Variants in ZNF792 observed in about 807,000 individuals in gnomAD.
The protein encoded by ZNF792 is zinc finger protein 792.
ZNF792 carries 14 observed loss-of-function variants against 13.1 expected under a neutral mutation model. That is an observed-to-expected ratio of 1.07 (90% CI 0.71 to 1.67). The LOEUF is 1.67. Ranked by LOEUF, ZNF792 falls within the 40% of genes most tolerant of loss-of-function variation. The probability of loss-of-function intolerance (pLI) is 0.00; values close to 1 mark genes in which losing one functional copy is unlikely to be tolerated. For synonymous variants in ZNF792, 257 were observed against 292.0 expected (o/e 0.88, Z 1.22); for missense variants, 740 against 807.9 (o/e 0.92, Z 1.02).
chr19:34,963,653 C>T lies in ZNF792; in HGVS notation c.10G>A (p.Ala4Thr). Residue 4 changes from alanine to threonine, a missense_variant, in exon 1 of 4, where the codon GCG (alanine) becomes ACG (threonine). Coordinates refer to ENST00000404801, the MANE Select transcript of ZNF792 (RefSeq NM_175872.5). MAA[A>T]ALRDPAQGCV... ...ACCTGCGCGGGGTCCCGCAGCGCCG[C>T]CGCTGCCATCGGAGTCTGTGGTCAG... 1 of 1,602,742 alleles carries T rather than the reference C, an allele frequency of 6.2e-7. No homozygotes were observed.
intron 3 of ZNF792, among the ~76,000 whole-genome samples, 176 bp from the exon 4 acceptor site, chr19:34,959,747 A>G (rs979063536): frequency 6.6e-6 from 1 of 152,170 alleles, no homozygotes; most frequent in African/African-American, 2.4e-5. Context: ...CCAGGTCACA[A>G]AATACAGGAG....
In ZNF792 at chr19:34,956,893, A is replaced by T. The variant is rs2013439959; in HGVS notation, c.*1063T>A. ...CTCTGCCAGTAACATTAGTCATAGG[A>T]CAGAGGTCTGAGGTCCTGAGAATTT... On this transcript the variant is annotated 3_prime_UTR_variant, in exon 4 of 4. Transcript: ENST00000404801. The T allele has an allele frequency of 6.6e-6, 1 of 152,260 alleles. No homozygotes were observed. Among genetic ancestry groups the T allele is most frequent in the African/African-American group, 2.4e-5 (1 of 41,462 alleles). The allele number at this position is 152,260 out of a possible 1,614,324, so 9.4% of individuals were successfully genotyped here.
rs1380762819 is a variant in ZNF792, at chr19:34,960,318, T to TC, written c.199dup (p.Glu67GlyfsTer10). On this transcript the variant is annotated frameshift_variant, in exon 3 of 4. Transcript: ENST00000404801. LOFTEE classifies it high-confidence loss of function. The stretch of plus-strand genomic sequence containing the variant: ...AGGCACCCAGGGCTCTTTCCCCATC[T>TC]CCAACTGGGAAACGATGTGGGACCT... The TC allele has an allele frequency of 6.2e-7, 1 of 1,613,670 alleles. No individual in the cohort carries two copies. Among genetic ancestry groups the TC allele is most frequent in the Non-Finnish European group, 8.5e-7 (1 of 1,179,772 alleles).
chr19:34,963,898 G>A lies in ZNF792; in HGVS notation c.-236C>T. 2 of 525,518 alleles carry A rather than the reference G, an allele frequency of 3.8e-6. No individual in the cohort carries two copies. The highest frequency in any genetic ancestry group is 6.6e-6 in the Non-Finnish European group (2 of 302,326). 32.6% of individuals were successfully genotyped at this position (525,518 alleles called of 1,614,324 possible). A position where few individuals can be genotyped will look rare whatever the true frequency, so the allele number is the denominator to read the frequency against. On this transcript the variant is annotated 5_prime_UTR_variant, in exon 1 of 4. Coordinates refer to ENST00000404801, the MANE Select transcript of ZNF792 (RefSeq NM_175872.5). ...CTCCGCTGGGTACCCCCGTTGCAAG[G>A]GGTCACGGCTGGTGCAAAGGCGCGG...
Position 34,957,991 on chromosome 19 carries a change from C to T in ZNF792, c.1864G>A (p.Val622Ile). Residue 622 changes from valine (V) to isoleucine (I), a missense_variant, in exon 4 of 4, where the codon GTT becomes ATT. Val to Ile is a conservative substitution (Grantham distance 29). Transcript: ENST00000404801. The stretch of plus-strand genomic sequence containing the variant: ...TCCCCAGGGTGGGTACTTGGATGAA[C>T]AAGTTTCAACTTGTAGTTGACAGCG... ...QGAVNYKLKL[V>I]HPSTHPGEVP 1 of 1,612,024 alleles carries T rather than the reference C, an allele frequency of 6.2e-7. No individual in the cohort carries two copies. Among genetic ancestry groups the T allele is most frequent in the Non-Finnish European group, 8.5e-7 (1 of 1,178,790 alleles).
At position 34,957,104 on chromosome 19, in the gene ZNF792, A is replaced by G. The variant is rs1207431980; in HGVS notation, c.*852T>C. ...TCTTACAGTTAAGAGATACCTGCCT[A>G]ATGCTGAACTTCAGGGCATATGGCT... is the stretch of plus-strand genomic sequence containing the variant. On this transcript the variant is annotated 3_prime_UTR_variant, in exon 4 of 4. Coordinates refer to ENST00000404801, the MANE Select transcript of ZNF792 (RefSeq NM_175872.5). 6.6e-6 allele frequency: 1 copy of G among 152,210 alleles called. No individual in the cohort carries two copies. Among genetic ancestry groups the G allele is most frequent in the African/African-American group, 2.4e-5 (1 of 41,450 alleles). The allele number at this position is 152,210 out of a possible 1,614,324, so 9.4% of individuals were successfully genotyped here.
chr19:34,959,109 A>G lies in ZNF792; in HGVS notation c.746T>C (p.Ile249Thr), dbSNP rs745552453. Residue 249 changes from isoleucine (I) to threonine (T), a missense_variant, in exon 4 of 4, where the codon ATT (isoleucine) becomes ACT (threonine). Coordinates refer to ENST00000404801, the MANE Select transcript of ZNF792 (RefSeq NM_175872.5). Reference protein sequence around the residue: ...EATEGVVDFHIALRHNKCCES... With the variant: ...EATEGVVDFHTALRHNKCCES... ...ACAGCACTTGTTATGCCTTAGTGCA[A>G]TGTGAAAATCCACCACACCTTCGGT... The G allele has an allele frequency of 6.2e-7, 1 of 1,613,960 alleles. No individual in the cohort carries two copies. The highest frequency in any genetic ancestry group is 1.7e-5 in the Admixed American group (1 of 60,026).
rs1487983668 is a variant in ZNF792 at position 34,958,597 on chromosome 19, T to C, written c.1258A>G (p.Arg420Gly). ...CCACATTCGTTACACTTGTAAGGTC[T>C]TTCTCCAGTGTGAACTCTCCAATGT... ...IKHWRVHTGE[R>G]PYKCNECGKF... The change falls in exon 4 of 4, where the codon AGA (arginine) becomes GGA (glycine). Residue 420 changes from arginine (R) to glycine (G), a missense_variant. Coordinates refer to ENST00000404801, the MANE Select transcript of ZNF792 (RefSeq NM_175872.5). The C allele has an allele frequency of 6.2e-7, 1 of 1,609,384 alleles. No individual in the cohort carries two copies. The highest frequency in any genetic ancestry group is 1.3e-5 in the African/African-American group (1 of 74,768).
Position 34,963,841 on chromosome 19 carries a change from G to A in ZNF792, c.-179C>T. 1.4e-6 allele frequency: 1 copy of A among 699,160 alleles called. No individual in the cohort carries two copies. The highest frequency in any genetic ancestry group is 2.1e-5 in the South Asian group (1 of 47,054). The allele number at this position is 699,160 out of a possible 1,614,324, so 43.3% of individuals were successfully genotyped here. A position where few individuals can be genotyped will look rare whatever the true frequency, so the allele number is the denominator to read the frequency against. On this transcript the variant is annotated 5_prime_UTR_variant, in exon 1 of 4. Transcript: ENST00000404801. The stretch of plus-strand genomic sequence containing the variant: ...GTGCAAAATGCGCAAGGGGCCCGGG[G>A]CGCAGGCTCCGGGGGCGCCGAGAGC...
At chr19:34,960,554 A>G (rs2013512670) in intron 2 of ZNF792, 197 bp from the exon 3 acceptor site, 4 of 752,294 alleles carry the variant, frequency 5.3e-6, no homozygotes, top group South Asian at 1.8e-5. Flanking sequence ...CAGAATCTAA[A>G]CCACAGAACT....
At position 34,963,722 on chromosome 19, in the gene ZNF792, G is replaced by C; in HGVS notation, c.-60C>G. ...GGGAAACCACGGGGCGGGGGTAGGG[G>C]GTCTCGCAGGCTGAGGCTACCACCC... On this transcript the variant is annotated 5_prime_UTR_variant, in exon 1 of 4. Transcript: ENST00000404801. The C allele has an allele frequency of 2.0e-6, 3 of 1,501,898 alleles. No homozygotes were observed. In the East Asian group the frequency reaches 7.3e-5, roughly 37 times the overall value. 93.0% of individuals were successfully genotyped at this position (1,501,898 alleles called of 1,614,324 possible).
In ZNF792 at chr19:34,957,117, A is replaced by G. The variant is rs1483227450; in HGVS notation, c.*839T>C. ...AGATACCTGCCTAATGCTGAACTTC[A>G]GGGCATATGGCTCCTTGGCAGGTGC... On this transcript the variant is annotated 3_prime_UTR_variant, in exon 4 of 4. Coordinates refer to ENST00000404801, the MANE Select transcript of ZNF792 (RefSeq NM_175872.5). The G allele has an allele frequency of 6.6e-6, 1 of 152,218 alleles. No homozygotes were observed. The highest frequency in any genetic ancestry group is 1.5e-5 in the Non-Finnish European group (1 of 68,040). The allele number at this position is 152,218 out of a possible 1,614,324, so 9.4% of individuals were successfully genotyped here. A position where few individuals can be genotyped will look rare whatever the true frequency, so the allele number is the denominator to read the frequency against.
Position 34,958,673 on chromosome 19 carries a change from A to G in ZNF792, c.1182T>C (p.His394=), listed in dbSNP as rs1600242519. ...HKRVHTGRSA[H]ECSECGKSFN... is the part of the protein sequence containing the mutation. ...AAGATTTCCCACATTCACTGCACTC[A>G]TGGGCACTTCTGCCCGTATGAACCC... The change falls in exon 4 of 4, where the codon CAT becomes CAC. Residue 394 remains histidine, a synonymous_variant. Coordinates refer to ENST00000404801, the MANE Select transcript of ZNF792 (RefSeq NM_175872.5). 2 of 1,614,154 alleles carry G rather than the reference A, an allele frequency of 1.2e-6. No homozygotes were observed. Among genetic ancestry groups the G allele is most frequent in the Non-Finnish European group, 1.7e-6 (2 of 1,180,006 alleles).
In ZNF792 at chr19:34,960,550, C is replaced by T. The variant is rs542173641; in HGVS notation, c.161-193G>A. On this transcript the variant is annotated intron_variant, in intron 2 of 3. Coordinates refer to ENST00000404801, the MANE Select transcript of ZNF792 (RefSeq NM_175872.5). Reference sequence around the variant, plus strand: ...ATTAGCAAGAGGAAAGGCACAGAATCTAAACCACAGAACTGTCAGATCTGG... The same window carrying T: ...ATTAGCAAGAGGAAAGGCACAGAATTTAAACCACAGAACTGTCAGATCTGG... 58 of 769,576 alleles carry T rather than the reference C, an allele frequency of 7.5e-5. 2 individuals are homozygous for T. The South Asian group carries it at 1.0e-3, about 14-fold the overall frequency. The allele number at this position is 769,576 out of a possible 1,614,324, so 47.7% of individuals were successfully genotyped here. A position where few individuals can be genotyped will look rare whatever the true frequency, so the allele number is the denominator to read the frequency against.
At chr19:34,961,458 C>T (rs764861379) in intron 1 of ZNF792, among the ~76,000 whole-genome samples, 12 of 152,144 alleles carry the variant, frequency 7.9e-5, no homozygotes, top group Non-Finnish European at 1.5e-4. Context: ...TGGGCTCCCA[C>T]GAGTCACTCT....
Position 34,959,538 on chromosome 19 carries a change from G to C in ZNF792, c.317C>G (p.Pro106Arg). The change falls in exon 4 of 4, where the codon CCT (proline) becomes CGT (arginine). Residue 106 changes from proline to arginine, a missense_variant. Physicochemically the swap from Pro to Arg is moderately radical, Grantham distance 103 (BLOSUM62 -2). Transcript: ENST00000404801. ...TTCTACAGAAACGTTATGCTCAGAA[G>C]GTAAGTCCTTGCCCTCTGTTCCATG... ...FCHGTEGKDL[P>R]SEHNVSVEGV... 1 of 1,558,640 alleles carries C rather than the reference G, an allele frequency of 6.4e-7. No individual in the cohort carries two copies. Among genetic ancestry groups the C allele is most frequent in the Non-Finnish European group, 8.7e-7 (1 of 1,151,768 alleles).
In ZNF792 at chr19:34,964,166, C is replaced by G. The variant is rs2013574047; in HGVS notation, c.-504G>C. 1 of 154,802 alleles carries G rather than the reference C, an allele frequency of 6.5e-6. No homozygotes were observed. The highest frequency in any genetic ancestry group is 1.4e-5 in the Non-Finnish European group (1 of 69,858). The allele number at this position is 154,802 out of a possible 1,614,324, so 9.6% of individuals were successfully genotyped here. A position where few individuals can be genotyped will look rare whatever the true frequency, so the allele number is the denominator to read the frequency against. On this transcript the variant is annotated 5_prime_UTR_variant, in exon 1 of 4. Transcript: ENST00000404801. Reference sequence around the variant, plus strand: ...CTGGCGCCAGCCGCTGGTGCACAGGCAGGGCCTGGGGATCGCGAGTTTCTG... The same window carrying G: ...CTGGCGCCAGCCGCTGGTGCACAGGGAGGGCCTGGGGATCGCGAGTTTCTG...
chr19:34,963,039 G>A (rs2013550859), intron 1 of ZNF792, among the ~76,000 whole-genome samples: 1 of 152,098 alleles, frequency 6.6e-6, no homozygotes, highest in African/African-American at 2.4e-5. Flanking sequence ...TCCTCACTCT[G>A]GTCCGGCCAG....
At position 34,961,095 on chromosome 19, in the gene ZNF792, G is replaced by C. The variant is rs916663476; in HGVS notation, c.34-101C>G. The C allele has an allele frequency of 2.0e-6, 3 of 1,495,106 alleles. No homozygotes were observed. The South Asian group carries it at 3.9e-5, about 19-fold the overall frequency. 92.6% of individuals were successfully genotyped at this position (1,495,106 alleles called of 1,614,324 possible). On this transcript the variant is annotated intron_variant, in intron 1 of 3. Transcript: ENST00000404801. ...CCTCCCCAGCTCCACAGCTCCAGGA[G>C]GTAGCAGGCCCTGGTTCTGTGGGCG...
Sources: gnomAD v4.1 joint callset for allele counts (sites outside exome capture counted in the v4.1 genomes callset) on GRCh38, gnomAD v4.1.1 for gene constraint, MANE v1.5 for transcripts, NCBI Gene and HGNC (gene_info 2026-07-23, HGNC 2026-07-21) for gene names.